DNM1: variants seen among roughly 807,000 people sequenced by gnomAD.
The protein encoded by DNM1 is dynamin-1.
In DNM1, 29 loss-of-function variants were observed where a neutral mutation model predicts 104.6. The ratio of observed to expected loss-of-function variants is 0.28; its 90% CI spans 0.21 to 0.38. The LOEUF is 0.38. DNM1 is among the 10% of genes least tolerant of loss of function. The probability of loss-of-function intolerance (pLI) is 1.00; values close to 1 mark genes in which losing one functional copy is unlikely to be tolerated. For missense variants in DNM1, 640 were observed against 1,189.4 expected, an observed-to-expected ratio of 0.54 and a Z score of 6.79; for synonymous variants, 445 against 475.8, an observed-to-expected ratio of 0.94 and a Z score of 0.84.
intron 19 of DNM1, among the ~76,000 whole-genome samples, chr9:128,249,205 AAAG>A (rs1829356697): frequency 6.9e-6 from 1 of 144,936 alleles, no homozygotes; most frequent in Non-Finnish European, 1.5e-5. Flanking sequence ...AAAAAAAAAA[AAAG>A]AAGAAGAAAT....
intron 11 of DNM1, among the ~76,000 whole-genome samples, chr9:128,238,342 A>G (rs1386912972): frequency 1.3e-5 from 2 of 152,076 alleles, no homozygotes; most frequent in African/African-American, 4.8e-5. Context: ...CCCCTGCCTC[A>G]GCCTCCCAAG....
chr9:128,241,615 G>A (rs142826085), intron 14 of DNM1, among the ~76,000 whole-genome samples: 2 of 152,236 alleles, frequency 1.3e-5, no homozygotes, highest in Non-Finnish European at 1.5e-5. Flanking sequence ...AGGCTGCATC[G>A]ACAGATAATC....
intron 4 of DNM1, among the ~76,000 whole-genome samples, chr9:128,219,537 T>A (rs562182875): frequency 6.6e-6 from 1 of 152,062 alleles, no homozygotes; most frequent in South Asian, 2.1e-4. Context: ...GGCACCGTGG[T>A]GCACGCTTGT....
chr9:128,222,579 C>G lies in DNM1; in HGVS notation c.1111C>G (p.Pro371Ala). 6.2e-7 allele frequency: 1 copy of G among 1,614,158 alleles called. No individual in the cohort carries two copies. Among genetic ancestry groups the G allele is most frequent in the Non-Finnish European group, 8.5e-7 (1 of 1,180,024 alleles). Residue 371 changes from proline to alanine, a missense_variant, in exon 8 of 22, where the codon CCT becomes GCT. By Grantham distance (27) the Pro-to-Ala change is conservative. This residue lies in a region of DNM1 where 38 missense variants were observed against 113.5 expected (regional missense o/e 0.33). Coordinates refer to ENST00000372923, the MANE Select transcript of DNM1 (RefSeq NM_004408.4). This position sits in a 1 kb window ranked among gnomAD's most constrained non-coding sequence, Gnocchi z 7.8. The stretch of plus-strand genomic sequence containing the variant: ...TAACCGAATCTTCCACGAGCGCTTC[C>G]CTTTCGAGCTGGTCAAGGTAGGTCA... ...RINRIFHERFPFELVKMEFDE... is the reference protein window; with the variant it reads ...RINRIFHERFAFELVKMEFDE...
rs772314897 is a variant in DNM1 at position 128,222,531 on chromosome 9, G to A, written c.1063G>A (p.Glu355Lys). ...EGSGDQIDTY[E>K]LSGGARINRI... is the part of the protein sequence containing the mutation. ...CTCAGGAGATCAGATCGACACCTAC[G>A]AACTGTCAGGGGGAGCCCGCATTAA... The change falls in exon 8 of 22, where the codon GAA becomes AAA. Residue 355 changes from glutamate (E) to lysine (K), a missense_variant. By Grantham distance (56) the Glu-to-Lys change is moderately conservative. Around this residue, in one of 7 missense-constraint regions of DNM1, gnomAD observed 38 missense variants for 113.5 expected, o/e 0.33. Transcript: ENST00000372923. This position sits in a 1 kb window ranked among gnomAD's most constrained non-coding sequence, Gnocchi z 7.8. 6.2e-7 allele frequency: 1 copy of A among 1,614,168 alleles called. No individual in the cohort carries two copies. Among genetic ancestry groups the A allele is most frequent in the Admixed American group, 1.7e-5 (1 of 60,026 alleles).
At chr9:128,238,843 G>A (rs998465880) in intron 11 of DNM1, among the ~76,000 whole-genome samples, 3 of 151,352 alleles carry the variant, frequency 2.0e-5, no homozygotes, top group African/African-American at 7.3e-5. Context: ...TTTTAGTAGA[G>A]ACGGGGTTTC....
chr9:128,251,063 C>A (rs945953680), intron 21 of DNM1, 123 bp downstream of exon 21: 7 of 728,728 alleles, frequency 9.6e-6, no homozygotes, highest in African/African-American at 5.4e-5. Flanking sequence ...CCCAGGCAAT[C>A]GGACTCTGGG....
Position 128,222,398 on chromosome 9 carries a change from T to C in DNM1, c.992+59T>C. ...CGCCCCCAGCCTCTCAGCGTGGGGC[T>C]CTCCCAGGGTTCCCTTTGCTGGGCT... On this transcript the variant is annotated intron_variant, in intron 7 of 21. Transcript: ENST00000372923. The surrounding 1 kb of genome is among the most constrained non-coding windows in gnomAD (Gnocchi z 7.8). 1 of 1,609,184 alleles carries C rather than the reference T, an allele frequency of 6.2e-7. No homozygotes were observed. Among genetic ancestry groups the C allele is most frequent in the Non-Finnish European group, 8.5e-7 (1 of 1,176,470 alleles).
chr9:128,210,401 A>C (rs7026024), intron 1 of DNM1, among the ~76,000 whole-genome samples: 2 of 145,440 alleles, frequency 1.4e-5, no homozygotes, highest in Non-Finnish European at 3.1e-5. Context: ...TTGCTCGGTC[A>C]CCCAGGTTGG....
In DNM1 at chr9:128,247,613, C is replaced by A. The variant is rs576789239; in HGVS notation, c.1893+127C>A. Reference sequence around the variant, plus strand: ...TTGGCTCAGAAATAATAGGAATCCTCCCCCCTACCCACTCTGGGGGTGGGA... The same window carrying A: ...TTGGCTCAGAAATAATAGGAATCCTACCCCCTACCCACTCTGGGGGTGGGA... On this transcript the variant is annotated intron_variant, in intron 17 of 21. Transcript: ENST00000372923. The surrounding 1 kb of genome is among the most constrained non-coding windows in gnomAD (Gnocchi z 5.1). 78 of 795,408 alleles carry A rather than the reference C, an allele frequency of 9.8e-5. 2 individuals carry two copies. In the South Asian group the frequency reaches 1.3e-3, roughly 14 times the overall value. 49.3% of individuals were successfully genotyped at this position (795,408 alleles called of 1,614,324 possible). A position where few individuals can be genotyped will look rare whatever the true frequency, so the allele number is the denominator to read the frequency against.
chr9:128,242,492 G>A, intron 15 of DNM1, 147 bp downstream of exon 15: 3 of 570,654 alleles, frequency 5.3e-6, no homozygotes, highest in South Asian at 2.3e-5. Context: ...GGGTGTGGTG[G>A]CTCACACCTA....
chr9:128,231,166 T>A (rs1439901237), intron 10 of DNM1, among the ~76,000 whole-genome samples: 1 of 149,658 alleles, frequency 6.7e-6, no homozygotes, highest in Non-Finnish European at 1.5e-5. Context: ...AAAGCTTTGG[T>A]CTAAAAGGAG....
chr9:128,248,448 GGTAT>G lies in DNM1; in HGVS notation c.1906-130_1906-127del. 1.0e-6 allele frequency: 1 copy of G among 970,294 alleles called. No homozygotes were observed. The highest frequency in any genetic ancestry group is 1.5e-6 in the Non-Finnish European group (1 of 666,360). The allele number at this position is 970,294 out of a possible 1,614,324, so 60.1% of individuals were successfully genotyped here. A position where few individuals can be genotyped will look rare whatever the true frequency, so the allele number is the denominator to read the frequency against. ...TGAGAGGCACAGGGATGCGGAGCCA[GGTAT>G]GTATTCAGGCCAGTCGCTTCTCTCT... On this transcript the variant is annotated intron_variant, in intron 18 of 21. Coordinates refer to ENST00000372923, the MANE Select transcript of DNM1 (RefSeq NM_004408.4). This position sits in a 1 kb window ranked among gnomAD's most constrained non-coding sequence, Gnocchi z 5.6.
At position 128,253,209 on chromosome 9, in the gene DNM1, C is replaced by G. The variant is rs541733761; in HGVS notation, c.2535-1445C>G. The G allele has an allele frequency of 1.2e-5, 18 of 1,459,772 alleles. No individual in the cohort carries two copies. The highest frequency in any genetic ancestry group is 1.7e-5 in the Non-Finnish European group (18 of 1,058,460). The allele number at this position is 1,459,772 out of a possible 1,614,324, so 90.4% of individuals were successfully genotyped here. On this transcript the variant is annotated intron_variant, in intron 21 of 21. Transcript: ENST00000372923. The surrounding 1 kb of genome is among the most constrained non-coding windows in gnomAD (Gnocchi z 5.9). The stretch of plus-strand genomic sequence containing the variant: ...CGCTGCACTAGCTCCACACGGGGCG[C>G]GCACCTGGGACCTCAGAGCCAGGCT...
At position 128,203,482 on chromosome 9, in the gene DNM1, C is replaced by A; in HGVS notation, c.12C>A (p.Arg4=). 1.3e-6 allele frequency: 2 copies of A among 1,516,768 alleles called. No individual in the cohort carries two copies. Among genetic ancestry groups the A allele is most frequent in the Non-Finnish European group, 1.8e-6 (2 of 1,135,218 alleles). 94.0% of individuals were successfully genotyped at this position (1,516,768 alleles called of 1,614,324 possible). A position where few individuals can be genotyped will look rare whatever the true frequency, so the allele number is the denominator to read the frequency against. MGN[R]GMEDLIPLVN... ...GGCCCGCCGCAGCCATGGGCAACCGCGGCATGGAAGATCTCATCCCGCTGG... is the reference window on the plus strand; with the variant it reads ...GGCCCGCCGCAGCCATGGGCAACCGAGGCATGGAAGATCTCATCCCGCTGG... Residue 4 remains arginine, a synonymous_variant, in exon 1 of 22, where the codon CGC becomes CGA. Coordinates refer to ENST00000372923, the MANE Select transcript of DNM1 (RefSeq NM_004408.4). This position sits in a 1 kb window ranked among gnomAD's most constrained non-coding sequence, Gnocchi z 5.3.
At position 128,218,971 on chromosome 9, in the gene DNM1, C is replaced by G. The variant is rs1386858747; in HGVS notation, c.386-78C>G. On this transcript the variant is annotated intron_variant, in intron 3 of 21. Coordinates refer to ENST00000372923, the MANE Select transcript of DNM1 (RefSeq NM_004408.4). This position sits in a 1 kb window ranked among gnomAD's most constrained non-coding sequence, Gnocchi z 4.8. Reference sequence around the variant, plus strand: ...GCCACCCTGCTCCCAAGCAGCTTCTCTAACCCCGCCCTATTCTTTAACCTC... The same window carrying G: ...GCCACCCTGCTCCCAAGCAGCTTCTGTAACCCCGCCCTATTCTTTAACCTC... The G allele has an allele frequency of 2.6e-6, 4 of 1,539,734 alleles. No homozygotes were observed. In the East Asian group the frequency reaches 6.8e-5, roughly 26 times the overall value.
rs1588434525 is a variant in DNM1, at chr9:128,243,022, A to T, written c.1671+677A>T. 6.6e-6 allele frequency among the ~76,000 whole-genome samples: 1 copy of T among 152,080 alleles called. No homozygotes were observed. The highest frequency in any genetic ancestry group is 1.5e-5 in the Non-Finnish European group (1 of 68,004). ...TGGCCCCCACAGGCCCATGACACAC[A>T]CAAGTCTAGCTGCCAGACACCCGGT... On this transcript the variant is annotated intron_variant, in intron 15 of 21. Coordinates refer to ENST00000372923, the MANE Select transcript of DNM1 (RefSeq NM_004408.4). The surrounding 1 kb of genome is among the most constrained non-coding windows in gnomAD (Gnocchi z 4.0).
In DNM1 at chr9:128,250,142, C is replaced by T; in HGVS notation, c.2104C>T (p.Leu702=). 1 of 1,614,212 alleles carries T rather than the reference C, an allele frequency of 6.2e-7. No homozygotes were observed. Among genetic ancestry groups the T allele is most frequent in the Non-Finnish European group, 8.5e-7 (1 of 1,180,030 alleles). The change falls in exon 20 of 22, where the codon CTG becomes TTG. Residue 702 remains leucine (L), a synonymous_variant. Coordinates refer to ENST00000372923, the MANE Select transcript of DNM1 (RefSeq NM_004408.4). The part of the protein sequence containing the change: ...NTKEFIFSEL[L]ANLYSCGDQN... ...CAAGGAGTTCATCTTCTCGGAGCTG[C>T]TGGCCAACCTGTACTCGTGTGGGGA... is the stretch of plus-strand genomic sequence containing the variant.
intron 14 of DNM1, chr9:128,241,010 A>T (rs1486254439): frequency 6.6e-6 from 1 of 152,470 alleles, no homozygotes; most frequent in Non-Finnish European, 1.5e-5. Context: ...AAAGACAGTG[A>T]CAAGACCCTG....
Sources: gnomAD v4.1 joint callset for allele counts (sites outside exome capture counted in the v4.1 genomes callset) on GRCh38, gnomAD v4.1.1 for gene constraint, gnomAD v4.1.1 regional missense constraint, Gnocchi (gnomAD v3.1) non-coding constraint, MANE v1.5 for transcripts, NCBI Gene and HGNC (gene_info 2026-07-23, HGNC 2026-07-21) for gene names.